Variants in SUPT3H observed in about 807,000 individuals in gnomAD.
SUPT3H encodes SPT3 homolog, SAGA and STAGA complex component.
In SUPT3H, 44 loss-of-function variants were observed where a neutral mutation model predicts 44.3. That is an observed-to-expected ratio of 0.99 (90% CI 0.78 to 1.28). The LOEUF (loss-of-function observed/expected upper bound fraction) is 1.28. Ranked by LOEUF, SUPT3H falls within the 50% of genes most tolerant of loss-of-function variation. The pLI, the probability that SUPT3H is intolerant of heterozygous loss-of-function variation, is 0.00. For missense variants in SUPT3H, 380 were observed against 387.1 expected (o/e 0.98, Z 0.15); for synonymous variants, 124 against 125.6 (o/e 0.99, Z 0.09).
intron 6 of SUPT3H, among the ~76,000 whole-genome samples, chr6:44,968,102 T>C (rs1214016179): frequency 6.6e-6 from 1 of 152,130 alleles, no homozygotes; most frequent in African/African-American, 2.4e-5. Context: ...CAAAAAATTT[T>C]TTTTAATCTT....
intron 2 of SUPT3H, among the ~76,000 whole-genome samples, chr6:45,280,912 T>C (rs1777924522): frequency 6.6e-6 from 1 of 152,200 alleles, no homozygotes; most frequent in Non-Finnish European, 1.5e-5. Context: ...TAATTGCCAT[T>C]AACATCTGTA....
At chr6:45,351,426 G>C (rs1455712867) in intron 2 of SUPT3H, among the ~76,000 whole-genome samples, 1 of 152,090 alleles carries the variant, frequency 6.6e-6, no homozygotes, top group African/African-American at 2.4e-5. Context: ...TGGTGAGGAA[G>C]AGAGAAAAAT....
chr6:45,028,198 G>A (rs982694520), intron 3 of SUPT3H, among the ~76,000 whole-genome samples: 1 of 152,150 alleles, frequency 6.6e-6, no homozygotes, highest in African/African-American at 2.4e-5. Flanking sequence ...TTCTAATACT[G>A]GAGATCATTT....
chr6:44,962,323 C>T (rs993752609), intron 6 of SUPT3H, among the ~76,000 whole-genome samples: 1 of 152,146 alleles, frequency 6.6e-6, no homozygotes, highest in African/African-American at 2.4e-5. Context: ...AAACACAATA[C>T]AGATCCTTTA....
chr6:44,869,090 T>G (rs1230498693), intron 10 of SUPT3H, among the ~76,000 whole-genome samples: 1 of 152,232 alleles, frequency 6.6e-6, no homozygotes, highest in African/African-American at 2.4e-5. Context: ...TGTGCTCACA[T>G]GGATGGCATG....
chr6:45,205,453 T>C (rs181017187), intron 2 of SUPT3H, among the ~76,000 whole-genome samples: 5 of 152,288 alleles, frequency 3.3e-5, no homozygotes, highest in African/African-American at 1.2e-4. Context: ...TGATAAACTT[T>C]ATATAATGTA....
At chr6:45,025,759 T>C (rs147932474) in intron 3 of SUPT3H, among the ~76,000 whole-genome samples, 1 of 151,806 alleles carries the variant, frequency 6.6e-6, no homozygotes, top group Non-Finnish European at 1.5e-5. Context: ...GGTGGGCGCC[T>C]GTAGTCTCAG....
chr6:44,817,064 A>G (rs536420894), intron 11 of SUPT3H, among the ~76,000 whole-genome samples: 1 of 150,906 alleles, frequency 6.6e-6, no homozygotes, highest in Admixed American at 6.7e-5. Context: ...CTGTCTCTTT[A>G]AAAATACAAA....
At chr6:45,100,555 A>AAAAAAAAAAAAAAAAAAAAAAC (rs1798422700) in intron 3 of SUPT3H, among the ~76,000 whole-genome samples, 2 of 149,014 alleles carry the variant, frequency 1.3e-5, no homozygotes, top group Non-Finnish European at 3.0e-5. Context: ...AAAAAAAAAA[A>AAAAAAAAAAAAAAAAAAAAAAC]AAAAAAAAAG....
At chr6:44,904,885 A>G (rs938518522) in intron 10 of SUPT3H, among the ~76,000 whole-genome samples, 2 of 152,160 alleles carry the variant, frequency 1.3e-5, no homozygotes, top group Non-Finnish European at 2.9e-5. Flanking sequence ...AACCATCTGA[A>G]CTTTGACAAA....
At chr6:45,204,266 A>AAGAAGAAGAAGAAGAAGG (rs1393911998) in intron 2 of SUPT3H, among the ~76,000 whole-genome samples, 1 of 151,802 alleles carries the variant, frequency 6.6e-6, no homozygotes. Flanking sequence ...GAAGAAGAAG[A>AAGAAGAAGAAGAAGAAGG]AGAAGAAGAA....
chr6:44,950,353 T>A (rs1774092346), intron 9 of SUPT3H, among the ~76,000 whole-genome samples: 1 of 152,154 alleles, frequency 6.6e-6, no homozygotes, highest in South Asian at 2.1e-4. Flanking sequence ...CACAGGCAAA[T>A]AAAAATCTCA....
chr6:44,955,903 G>A (rs1775067110), intron 7 of SUPT3H, among the ~76,000 whole-genome samples: 1 of 151,836 alleles, frequency 6.6e-6, no homozygotes, highest in Non-Finnish European at 1.5e-5. Context: ...GGCCGATCAC[G>A]AGGTCAGGAG....
chr6:45,273,964 C>A (rs1011614436), intron 2 of SUPT3H, among the ~76,000 whole-genome samples: 3 of 152,208 alleles, frequency 2.0e-5, no homozygotes, highest in African/African-American at 7.2e-5. Flanking sequence ...CTCTCCACAT[C>A]ATCACATTTG....
At chr6:44,902,823 A>C (rs1765321512) in intron 10 of SUPT3H, among the ~76,000 whole-genome samples, 1 of 152,202 alleles carries the variant, frequency 6.6e-6, no homozygotes, top group Non-Finnish European at 1.5e-5. Flanking sequence ...AAATTATAAC[A>C]AACTGTCTCT....
chr6:44,843,943 ACAC>A (rs1771443819), intron 10 of SUPT3H, among the ~76,000 whole-genome samples: 1 of 146,326 alleles, frequency 6.8e-6, no homozygotes, highest in Non-Finnish European at 1.5e-5. Flanking sequence ...ACACACACAC[ACAC>A]ACACACACAC....
chr6:44,885,341 G>A (rs968830866), intron 10 of SUPT3H, among the ~76,000 whole-genome samples: 17 of 152,108 alleles, frequency 1.1e-4, no homozygotes, highest in East Asian at 5.8e-4. Flanking sequence ...ACCTGACCCC[G>A]AGAAGCCTAA....
At chr6:44,852,940 T>C (rs188295575) in intron 10 of SUPT3H, among the ~76,000 whole-genome samples, 213 of 152,334 alleles carry the variant, frequency 1.4e-3, no homozygotes, top group African/African-American at 4.9e-3. Context: ...GTCTACCACC[T>C]GGTTCAAAAC....
intron 2 of SUPT3H, among the ~76,000 whole-genome samples, chr6:45,202,765 A>C (rs537067398): frequency 9.2e-5 from 14 of 152,280 alleles, no homozygotes; most frequent in African/African-American, 2.9e-4. Context: ...TAAATAATAT[A>C]CAATTCTATT....
Sources: gnomAD v4.1 joint callset for allele counts (sites outside exome capture counted in the v4.1 genomes callset) on GRCh38, gnomAD v4.1.1 for gene constraint, MANE v1.5 for transcripts, NCBI Gene and HGNC (gene_info 2026-07-23, HGNC 2026-07-21) for gene names.